LDB2: variants seen among roughly 807,000 people sequenced by gnomAD.
LDB2 encodes the protein LIM domain-binding protein 2.
Under a neutral mutation model 44.3 loss-of-function variants are expected in LDB2, and 12 were observed. The observed-to-expected ratio is 0.27, with a 90% confidence interval of 0.17 to 0.44. The LOEUF (loss-of-function observed/expected upper bound fraction) is 0.44. Ranked by LOEUF, LDB2 falls within the 20% of genes least tolerant of loss-of-function variation. The pLI is 1.00. For synonymous variants in LDB2, 164 were observed against 174.8 expected (o/e 0.94, Z 0.49); for missense variants, 344 against 473.5 (o/e 0.73, Z 2.54).
At chr4:16,821,746 C>CGCAAAAA (rs1782079609) in intron 1 of LDB2, among the ~76,000 whole-genome samples, 1 of 61,752 alleles carries the variant, frequency 1.6e-5, no homozygotes, top group Non-Finnish European at 2.9e-5. Context: ...AACATTAAAG[C>CGCAAAAA]AAAAAAAAAA....
chr4:16,570,948 G>T (rs553395281), intron 5 of LDB2, among the ~76,000 whole-genome samples: 16 of 152,168 alleles, frequency 1.1e-4, no homozygotes, highest in Non-Finnish European at 1.6e-4. Flanking sequence ...GCACAGAAAT[G>T]GTAGGCAACT....
At chr4:16,673,832 A>G (rs1260901209) in intron 2 of LDB2, among the ~76,000 whole-genome samples, 1 of 152,192 alleles carries the variant, frequency 6.6e-6, no homozygotes, top group Non-Finnish European at 1.5e-5. Flanking sequence ...TTGGGAAAGC[A>G]TGGGCTACCC....
intron 2 of LDB2, among the ~76,000 whole-genome samples, chr4:16,743,432 TGA>T (rs1213989431): frequency 6.6e-6 from 1 of 152,114 alleles, no homozygotes; most frequent in African/African-American, 2.4e-5. Flanking sequence ...TCCTTGATCA[TGA>T]GTGGCTCTTG....
At chr4:16,766,843 C>T (rs922498710) in intron 1 of LDB2, among the ~76,000 whole-genome samples, 1 of 152,112 alleles carries the variant, frequency 6.6e-6, no homozygotes, top group Non-Finnish European at 1.5e-5. Context: ...ATATAAGCTA[C>T]ATACTAATGC....
chr4:16,820,029 C>T (rs1024835426), intron 1 of LDB2, among the ~76,000 whole-genome samples: 7 of 152,100 alleles, frequency 4.6e-5, no homozygotes, highest in African/African-American at 1.2e-4. Context: ...TTTTGCTCTA[C>T]GTGCAGAAGT....
chr4:16,531,750 T>C (rs1267170280), intron 5 of LDB2, among the ~76,000 whole-genome samples: 1 of 152,166 alleles, frequency 6.6e-6, no homozygotes, highest in Non-Finnish European at 1.5e-5. Context: ...GCTAAATAGA[T>C]AGATAGACAC....
At chr4:16,733,589 T>C (rs1285349482) in intron 2 of LDB2, among the ~76,000 whole-genome samples, 1 of 152,136 alleles carries the variant, frequency 6.6e-6, no homozygotes, top group Admixed American at 6.5e-5. Context: ...AAAGGGAAGC[T>C]ACAGGGATAT....
intron 2 of LDB2, among the ~76,000 whole-genome samples, chr4:16,664,141 C>T (rs1742375412): frequency 6.6e-6 from 1 of 152,116 alleles, no homozygotes; most frequent in African/African-American, 2.4e-5. Context: ...GAGGCTGGGT[C>T]TTTGGGATGT....
chr4:16,609,615 C>T (rs576144719), intron 2 of LDB2, among the ~76,000 whole-genome samples: 2 of 152,276 alleles, frequency 1.3e-5, no homozygotes, highest in African/African-American at 2.4e-5. Flanking sequence ...TCAGGCCCAA[C>T]CCTGACCTAT....
chr4:16,787,964 T>C (rs1470004220), intron 1 of LDB2, among the ~76,000 whole-genome samples: 1 of 152,150 alleles, frequency 6.6e-6, no homozygotes, highest in Admixed American at 6.5e-5. Flanking sequence ...TTGGGGTACA[T>C]GTGCCTGACC....
chr4:16,673,108 G>T (rs1204590092), intron 2 of LDB2, among the ~76,000 whole-genome samples: 6 of 151,922 alleles, frequency 3.9e-5, no homozygotes, highest in Non-Finnish European at 8.8e-5. Context: ...CAATGGGATT[G>T]TAATTCTGAA....
At chr4:16,678,247 C>T (rs1288620212) in intron 2 of LDB2, among the ~76,000 whole-genome samples, 1 of 152,168 alleles carries the variant, frequency 6.6e-6, no homozygotes, top group Admixed American at 6.5e-5. Flanking sequence ...CACAGTAACA[C>T]AGTAAAGGTA....
At chr4:16,573,999 T>C (rs1156534016) in intron 5 of LDB2, among the ~76,000 whole-genome samples, 1 of 152,188 alleles carries the variant, frequency 6.6e-6, no homozygotes, top group African/African-American at 2.4e-5. Flanking sequence ...GCCACACTCA[T>C]TCTGCTGCAG....
intron 2 of LDB2, chr4:16,626,750 T>A (rs1472206842): frequency 6.6e-6 from 1 of 152,170 alleles, no homozygotes; most frequent in Admixed American, 6.5e-5. Context: ...AAGTGGCTAC[T>A]GATTAGATAT....
chr4:16,895,776 T>A (rs1251145874), intron 1 of LDB2, among the ~76,000 whole-genome samples: 2 of 152,210 alleles, frequency 1.3e-5, no homozygotes, highest in African/African-American at 2.4e-5. Flanking sequence ...CATTGTATTT[T>A]ATCCCAACCA....
chr4:16,590,855 A>G (rs1225895521), intron 3 of LDB2, among the ~76,000 whole-genome samples: 1 of 152,162 alleles, frequency 6.6e-6, no homozygotes, highest in East Asian at 1.9e-4. Flanking sequence ...TAGAAAAGGG[A>G]GAAGACTTCA....
intron 2 of LDB2, among the ~76,000 whole-genome samples, chr4:16,724,559 C>T (rs1337583811): frequency 6.6e-6 from 1 of 151,990 alleles, no homozygotes; most frequent in Non-Finnish European, 1.5e-5. Flanking sequence ...TTCAAGTTAC[C>T]CTTAACTGGG....
intron 6 of LDB2, 73 bp from the exon 7 acceptor site, chr4:16,508,759 C>CT: frequency 7.0e-7 from 1 of 1,424,282 alleles, no homozygotes; most frequent in Non-Finnish European, 9.5e-7. Context: ...TATGGTTACT[C>CT]TAAGGAAGCT....
chr4:16,670,657 C>T (rs1197934142), intron 2 of LDB2, among the ~76,000 whole-genome samples: 1 of 152,180 alleles, frequency 6.6e-6, no homozygotes, highest in Non-Finnish European at 1.5e-5. Context: ...CCAAATCTGC[C>T]TCAGTTTATT....
Sources: allele counts gnomAD v4.1 joint callset (sites outside exome capture counted in the v4.1 genomes callset), GRCh38; gene constraint gnomAD v4.1.1; transcripts MANE v1.5; gene names NCBI Gene and HGNC (gene_info 2026-07-23, HGNC 2026-07-21).